The following PRDM8 variants were observed in gnomAD, a reference collection of about 807,000 sequenced individuals.
PRDM8 encodes the protein PR/SET domain 8.
Under a neutral mutation model 46.5 loss-of-function variants are expected in PRDM8, and 13 were observed. That is an observed-to-expected ratio of 0.28 (90% CI 0.18 to 0.44). The LOEUF (loss-of-function observed/expected upper bound fraction) is 0.44, where lower values mean the gene tolerates loss of function less well. Among genes scored for constraint, PRDM8 ranks in the 20% least tolerant of loss-of-function variants. The pLI is 1.00. For synonymous variants in PRDM8, 473 were observed against 438.4 expected, an observed-to-expected ratio of 1.08 and a Z score of -0.98; for missense variants, 998 against 955.0, an observed-to-expected ratio of 1.04 and a Z score of -0.59.
At chr4:80,196,553 C>T (rs1196925387), upstream of PRDM8, 1 of 985,278 alleles carries the variant, frequency 1.0e-6, no homozygotes, top group Non-Finnish European at 1.2e-6. Context: ...AACTCCATCC[C>T]CTCCTCCACC....
rs1264247908 is a variant in PRDM8 at position 80,197,561 on chromosome 4, C to G, written c.-205C>G. ...TCCGTTTCTCCGTCTCTCTCCCTCC[C>G]TCCCTCCCTCCACCCCCCCAATCTT... On this transcript the variant is annotated 5_prime_UTR_variant, in exon 1 of 4. Coordinates refer to ENST00000415738, the MANE Select transcript of PRDM8 (RefSeq NM_001099403.2). 5 of 963,474 alleles carry G rather than the reference C, an allele frequency of 5.2e-6. No homozygotes were observed. The highest frequency in any genetic ancestry group is 4.8e-5 in the South Asian group (1 of 20,824). 59.7% of individuals were successfully genotyped at this position (963,474 alleles called of 1,614,324 possible). A position where few individuals can be genotyped will look rare whatever the true frequency, so the allele number is the denominator to read the frequency against.
At chr4:80,196,682 TCTGGGG>T, upstream of PRDM8, 1 of 951,420 alleles carries the variant, frequency 1.1e-6, no homozygotes, top group Non-Finnish European at 1.3e-6. Context: ...ATAGACTCCC[TCTGGGG>T]CTGCGCAGAA....
upstream of PRDM8, chr4:80,197,334 G>T: frequency 1.0e-6 from 1 of 962,568 alleles, no homozygotes; most frequent in Non-Finnish European, 1.2e-6. Context: ...CGGGGTAGGC[G>T]CTCAGGATCT....
Position 80,203,392 on chromosome 4 carries a change from A to G in PRDM8, c.1930A>G (p.Met644Val). The change falls in exon 4 of 4, where the codon ATG becomes GTG. Residue 644 changes from methionine to valine, a missense_variant. Coordinates refer to ENST00000415738, the MANE Select transcript of PRDM8 (RefSeq NM_001099403.2). ...CATGACCTCCGACCTGGTGTACCAT[A>G]TGAGGTCGCACCACAAAAAGGAGTA... ...FRMTSDLVYHMRSHHKKEYAM... is the reference protein window; with the variant it reads ...FRMTSDLVYHVRSHHKKEYAM... 1 of 1,613,940 alleles carries G rather than the reference A, an allele frequency of 6.2e-7. No individual in the cohort carries two copies. Among genetic ancestry groups the G allele is most frequent in the Non-Finnish European group, 8.5e-7 (1 of 1,179,954 alleles).
At chr4:80,198,994 G>GGTTTTTTTTTTTTTTT (rs1560472823) in intron 1 of PRDM8, among the ~76,000 whole-genome samples, 1 of 63,504 alleles carries the variant, frequency 1.6e-5, no homozygotes, top group Non-Finnish European at 2.4e-5. Flanking sequence ...TTTTTTTTTT[G>GGTTTTTTTTTTTTTTT]TTTTTTTTTT....
At chr4:80,196,845 A>C, upstream of PRDM8, 2 of 919,380 alleles carry the variant, frequency 2.2e-6, no homozygotes, top group Non-Finnish European at 2.6e-6. Flanking sequence ...TGGGACTAGG[A>C]GGTACCGTTA....
chr4:80,201,163 G>A (rs988008593), intron 2 of PRDM8, 127 bp from the exon 3 acceptor site: 1 of 856,422 alleles, frequency 1.2e-6, no homozygotes, highest in Non-Finnish European at 1.8e-6. Context: ...TTGGAAGCGT[G>A]GTCTCAGACA....
upstream of PRDM8, chr4:80,196,432 T>C: frequency 1.0e-6 from 1 of 985,424 alleles, no homozygotes. Context: ...GGAGTCAACT[T>C]GCAGGCTGTT....
In PRDM8 at chr4:80,202,015, G is replaced by A. The variant is rs1292099355; in HGVS notation, c.553G>A (p.Ala185Thr). The change falls in exon 4 of 4, where the codon GCT becomes ACT. Residue 185 changes from alanine to threonine, a missense_variant. By Grantham distance (58) the Ala-to-Thr change is moderately conservative (BLOSUM62 0). Coordinates refer to ENST00000415738, the MANE Select transcript of PRDM8 (RefSeq NM_001099403.2). ...CCGCTGCCCCAAGAGACTTCACAGCGCTGATATAAGTCCCCAAGACGAACA... is the reference window on the plus strand; with the variant it reads ...CCGCTGCCCCAAGAGACTTCACAGCACTGATATAAGTCCCCAAGACGAACA... ...RFRCPKRLHS[A>T]DISPQDEQGG... is the part of the protein sequence containing the mutation. 1 of 1,614,132 alleles carries A rather than the reference G, an allele frequency of 6.2e-7. No individual in the cohort carries two copies. The highest frequency in any genetic ancestry group is 1.7e-5 in the Admixed American group (1 of 60,032).
Position 80,203,467 on chromosome 4 carries a change from C to A in PRDM8, c.2005C>A (p.Pro669Thr). Residue 669 changes from proline (P) to threonine (T), a missense_variant, in exon 4 of 4, where the codon CCC (proline) becomes ACC (threonine). Transcript: ENST00000415738. ...GCGGCGAGAGGAGAAACTCAAGTGCCCCATCTGCAATGAGTCCTTCAGGGA... is the reference window on the plus strand; with the variant it reads ...GCGGCGAGAGGAGAAACTCAAGTGCACCATCTGCAATGAGTCCTTCAGGGA... Reference protein sequence around the residue: ...KRRREEKLKCPICNESFRERH... With the variant: ...KRRREEKLKCTICNESFRERH... The A allele has an allele frequency of 6.2e-7, 1 of 1,613,494 alleles. No individual in the cohort carries two copies. The highest frequency in any genetic ancestry group is 8.5e-7 in the Non-Finnish European group (1 of 1,179,810).
intron 1 of PRDM8, chr4:80,189,810 C>T (rs1241525554): frequency 6.6e-6 from 1 of 152,276 alleles, no homozygotes; most frequent in East Asian, 1.9e-4. Context: ...GAATTGTGGG[C>T]TTTCCTGAGC....
At chr4:80,201,561 C>T (rs777521020) in intron 3 of PRDM8, 40 bp downstream of exon 3, 1 of 1,584,056 alleles carries the variant, frequency 6.3e-7, no homozygotes, top group Non-Finnish European at 8.7e-7. Flanking sequence ...CCTTAACTAG[C>T]GGGGGAGAGA....
In PRDM8 at chr4:80,197,685, G is replaced by A; in HGVS notation, c.-81G>A. ...GACATGGAAATACACTGATACAATAGGCAAAAGGAAACACTCGATTGCATC... is the reference window on the plus strand; with the variant it reads ...GACATGGAAATACACTGATACAATAAGCAAAAGGAAACACTCGATTGCATC... On this transcript the variant is annotated 5_prime_UTR_variant, in exon 1 of 4. Coordinates refer to ENST00000415738, the MANE Select transcript of PRDM8 (RefSeq NM_001099403.2). 1.0e-6 allele frequency: 1 copy of A among 983,726 alleles called. No homozygotes were observed. The highest frequency in any genetic ancestry group is 1.2e-6 in the Non-Finnish European group (1 of 828,292). The allele number at this position is 983,726 out of a possible 1,614,324, so 60.9% of individuals were successfully genotyped here. A position where few individuals can be genotyped will look rare whatever the true frequency, so the allele number is the denominator to read the frequency against.
In PRDM8 at chr4:80,201,451, A is replaced by C. The variant is rs368275238; in HGVS notation, c.381A>C (p.Leu127=). ...GGATTGCCAAAGACGAGGAGTTACT[A>C]GTTTGGTACGGGAAAGAACTGACTG... The part of the protein sequence containing the change: ...LRRIAKDEEL[L]VWYGKELTEL... Residue 127 remains leucine (L), a synonymous_variant, in exon 3 of 4, where the codon CTA becomes CTC. Transcript: ENST00000415738. 1 of 1,614,182 alleles carries C rather than the reference A, an allele frequency of 6.2e-7. No homozygotes were observed. Among genetic ancestry groups the C allele is most frequent in the Non-Finnish European group, 8.5e-7 (1 of 1,180,022 alleles).
chr4:80,201,175 T>C, intron 2 of PRDM8, 115 bp from the exon 3 acceptor site: 3 of 1,030,292 alleles, frequency 2.9e-6, no homozygotes, highest in Non-Finnish European at 4.3e-6. Flanking sequence ...TCTCAGACAA[T>C]TTTTGGAAAA....
chr4:80,198,979 GGTTTTTTTTTTTTTGT>G (rs1738189420), intron 1 of PRDM8, among the ~76,000 whole-genome samples: 8 of 113,526 alleles, frequency 7.0e-5, no homozygotes, highest in East Asian at 4.5e-4. Flanking sequence ...GGTTTTTTTG[GGTTTTTTTTTTTTTGT>G]TTTTTTTTTT....
At chr4:80,199,707 A>ATGTGTGTGTGTGTGTGTGTGTGTG (rs201992799) in intron 1 of PRDM8, among the ~76,000 whole-genome samples, 1 of 90,626 alleles carries the variant, frequency 1.1e-5, no homozygotes, top group African/African-American at 4.0e-5. Context: ...ATATATATAT[A>ATGTGTGTGTGTGTGTGTGTGTGTG]TATGTGTGTG....
In PRDM8 at chr4:80,203,716, C is replaced by T; in HGVS notation, c.*184C>T. On this transcript the variant is annotated 3_prime_UTR_variant, in exon 4 of 4. Transcript: ENST00000415738. ...GTCCTCTCCTCCCAGGAACCTCATT[C>T]AAATATTTACCCGGGACACACACCC... The T allele has an allele frequency of 1.1e-6, 1 of 923,890 alleles. No homozygotes were observed. The highest frequency in any genetic ancestry group is 1.5e-6 in the Non-Finnish European group (1 of 659,780). 57.2% of individuals were successfully genotyped at this position (923,890 alleles called of 1,614,324 possible).
intron 1 of PRDM8, among the ~76,000 whole-genome samples, chr4:80,188,658 A>G (rs1485641341): frequency 6.6e-6 from 1 of 152,208 alleles, no homozygotes; most frequent in Non-Finnish European, 1.5e-5. Flanking sequence ...AGGAAGAGCA[A>G]CTGGGAACCC....
Sources: allele counts gnomAD v4.1 joint callset (sites outside exome capture counted in the v4.1 genomes callset), GRCh38; gene constraint gnomAD v4.1.1; transcripts MANE v1.5; gene names NCBI Gene and HGNC (gene_info 2026-07-23, HGNC 2026-07-21).